The following ABR variants were observed in gnomAD, a reference collection of about 807,000 sequenced individuals.
ABR encodes ABR activator of RhoGEF and GTPase.
A neutral mutation model predicts 107.2 loss-of-function variants in ABR; 35 were observed. The observed-to-expected ratio is 0.33, with a 90% confidence interval of 0.25 to 0.43. The LOEUF is 0.43. Ranked by LOEUF, ABR falls within the 20% of genes least tolerant of loss-of-function variation. ABR has a pLI of 1.00. For synonymous variants in ABR, 498 were observed against 462.0 expected (o/e 1.08, Z -1.00); for missense variants, 815 against 1,115.2 (o/e 0.73, Z 3.83).
rs192845705 is a variant in ABR at position 1,157,654 on chromosome 17, C to T, written c.61+22013G>A. 5.3e-5 allele frequency among the ~76,000 whole-genome samples: 8 copies of T among 152,336 alleles called. No individual in the cohort carries two copies. Among genetic ancestry groups the T allele is most frequent in the Admixed American group, 6.5e-5 (1 of 15,310 alleles). The stretch of plus-strand genomic sequence containing the variant: ...AGAGCCGCTGCTGGAACACGCCCAG[C>T]GGAACAGGGGGAAGCCAACAATCCC... On this transcript the variant is annotated intron_variant, in intron 1 of 22. Transcript: ENST00000302538. The surrounding 1 kb of genome is among the most constrained non-coding windows in gnomAD (Gnocchi z 4.7).
intron 1 of ABR, among the ~76,000 whole-genome samples, chr17:1,216,022 G>A (rs1360319269): frequency 2.0e-5 from 3 of 147,872 alleles, no homozygotes; most frequent in African/African-American, 2.5e-5. Context: ...CAAGTACCCA[G>A]GGACACAAAC....
chr17:1,215,838 T>C (rs996240543), intron 1 of ABR, among the ~76,000 whole-genome samples: 3 of 151,908 alleles, frequency 2.0e-5, no homozygotes, highest in African/African-American at 7.3e-5. Context: ...TGGGAGAAAA[T>C]CTTCTGCCTT....
chr17:1,107,519 G>A (rs1005166324), intron 2 of ABR, among the ~76,000 whole-genome samples: 2 of 152,274 alleles, frequency 1.3e-5, no homozygotes, highest in African/African-American at 4.8e-5. Flanking sequence ...CCGGGGTCCA[G>A]CAGAAGGGGA....
chr17:1,146,853 C>T (rs934709789), intron 1 of ABR, among the ~76,000 whole-genome samples: 1 of 65,696 alleles, frequency 1.5e-5, no homozygotes, highest in African/African-American at 4.6e-5. Flanking sequence ...CAGGCCACCA[C>T]TGCCACCACT....
intron 4 of ABR, among the ~76,000 whole-genome samples, chr17:1,085,110 CTTTTTTTTT>C (rs1230702293): frequency 3.2e-5 from 4 of 126,126 alleles, no homozygotes; most frequent in Non-Finnish European, 3.3e-5. Context: ...CCAATTAAAA[CTTTTTTTTT>C]TTTTTTTTTT....
chr17:1,203,414 T>TGCGGGGGCGGGGCCC lies in ABR; in HGVS notation c.838+25364_838+25378dup, dbSNP rs1429349278. Among the ~76,000 whole-genome samples, 3 of 56,580 alleles carry TGCGGGGGCGGGGCCC rather than the reference T, an allele frequency of 5.3e-5. 1 individual carries two copies. The highest frequency in any genetic ancestry group is 7.9e-5 in the African/African-American group (1 of 12,624). 37.1% of individuals were successfully genotyped at this position (56,580 alleles called of 152,430 possible). On this transcript the variant is annotated intron_variant, in intron 1 of 22. Transcript: ENST00000574139. ...GGCGGGGCCCGCGGGGGGCGGAGTC[T>TGCGGGGGCGGGGCCC]GCGGGGGCGGGGCCCGCGGGGACGG...
chr17:1,112,629 A>AAG (rs1363486315), intron 2 of ABR, among the ~76,000 whole-genome samples: 1 of 151,910 alleles, frequency 6.6e-6, no homozygotes, highest in Non-Finnish European at 1.5e-5. Flanking sequence ...GGAAGGAAGG[A>AAG]AGAGAGGAAG....
upstream of ABR, among the ~76,000 whole-genome samples, chr17:1,181,502 C>T (rs539933700): frequency 1.7e-4 from 26 of 152,286 alleles, no homozygotes; most frequent in South Asian, 5.4e-3. Flanking sequence ...TGTCTCTTGC[C>T]GCCCCTCCCT....
chr17:1,043,045 A>G (rs1034256576), intron 16 of ABR, among the ~76,000 whole-genome samples: 5 of 152,152 alleles, frequency 3.3e-5, no homozygotes, highest in Non-Finnish European at 5.9e-5. Flanking sequence ...AGGGTGCAGG[A>G]GTGGGGAGTT....
intron 1 of ABR, among the ~76,000 whole-genome samples, chr17:1,196,196 G>A (rs1414990621): frequency 1.3e-5 from 2 of 150,230 alleles, no homozygotes; most frequent in Admixed American, 6.6e-5. Context: ...TTGGGAGGCC[G>A]AGGCAGGCGG....
chr17:1,161,930 G>A (rs1436272410), intron 1 of ABR, among the ~76,000 whole-genome samples: 1 of 152,164 alleles, frequency 6.6e-6, no homozygotes, highest in African/African-American at 2.4e-5. Context: ...CTAGCTAATG[G>A]TAATCATAGC....
At chr17:1,043,865 G>C (rs1010137041) in intron 16 of ABR, among the ~76,000 whole-genome samples, 2 of 152,214 alleles carry the variant, frequency 1.3e-5, no homozygotes, top group South Asian at 4.1e-4. Flanking sequence ...GGTGGGGGCT[G>C]TCCCCAGCCT....
chr17:1,005,140 C>T lies in ABR; in HGVS notation c.*940G>A. ...TCAGCCTGTGGTGTTTCCTCAGCAG[C>T]CTGACCGCCTCCTCCCCCATTCTCT... On this transcript the variant is annotated 3_prime_UTR_variant, in exon 23 of 23. Coordinates refer to ENST00000302538, the MANE Select transcript of ABR (RefSeq NM_021962.5). 1 of 398,774 alleles carries T rather than the reference C, an allele frequency of 2.5e-6. No homozygotes were observed. The highest frequency in any genetic ancestry group is 4.4e-6 in the Non-Finnish European group (1 of 226,214). The allele number at this position is 398,774 out of a possible 1,614,324, so 24.7% of individuals were successfully genotyped here.
At chr17:1,053,533 T>A (rs2032837288) in intron 14 of ABR, among the ~76,000 whole-genome samples, 1 of 152,032 alleles carries the variant, frequency 6.6e-6, no homozygotes, top group Admixed American at 6.5e-5. Flanking sequence ...TCTCCCCAGG[T>A]TCCTGTCTGC....
intron 5 of ABR, 46 bp from the exon 6 acceptor site, chr17:1,079,436 T>C: frequency 6.5e-7 from 1 of 1,549,946 alleles, no homozygotes; most frequent in Non-Finnish European, 8.9e-7. Flanking sequence ...GTCCCTCACC[T>C]CTCCCAGCCC....
chr17:1,113,040 T>G (rs1171437440), intron 2 of ABR, among the ~76,000 whole-genome samples: 2 of 152,140 alleles, frequency 1.3e-5, no homozygotes, highest in Non-Finnish European at 2.9e-5. Context: ...CAGCAAGCAT[T>G]TGTTAGCCGC....
chr17:1,153,421 G>A (rs886372157), intron 1 of ABR, among the ~76,000 whole-genome samples: 6 of 149,130 alleles, frequency 4.0e-5, no homozygotes, highest in Non-Finnish European at 9.0e-5. Context: ...TGGGGGTCCA[G>A]GCACACCTGC....
chr17:1,181,651 G>T (rs1184103100), upstream of ABR, among the ~76,000 whole-genome samples: 1 of 152,214 alleles, frequency 6.6e-6, no homozygotes, highest in Non-Finnish European at 1.5e-5. Context: ...GGAAGGGAAC[G>T]AGCAGGCTCT....
intron 1 of ABR, among the ~76,000 whole-genome samples, chr17:1,178,645 G>A (rs1243144836): frequency 6.6e-6 from 1 of 152,022 alleles, no homozygotes; most frequent in Non-Finnish European, 1.5e-5. Flanking sequence ...GCTCCACGTG[G>A]CCCCACGTGC....
Sources: allele counts gnomAD v4.1 joint callset (sites outside exome capture counted in the v4.1 genomes callset), GRCh38; gene constraint gnomAD v4.1.1; non-coding constraint Gnocchi (gnomAD v3.1); transcripts MANE v1.5; gene names NCBI Gene and HGNC (gene_info 2026-07-23, HGNC 2026-07-21).